The following CPA6 variants were observed in gnomAD, a reference collection of about 807,000 sequenced individuals.
The protein encoded by CPA6 is carboxypeptidase A6.
Under a neutral mutation model 63.3 loss-of-function variants are expected in CPA6, and 58 were observed. The observed-to-expected ratio is 0.92, with a 90% CI of 0.74 to 1.14. The LOEUF is 1.14. Ranked by LOEUF, CPA6 falls within the 50% of genes most tolerant of loss-of-function variation. The probability of loss-of-function intolerance (pLI) is 0.00; values close to 1 mark genes in which losing one functional copy is unlikely to be tolerated. For missense variants in CPA6, 565 were observed against 526.6 expected (o/e 1.07, Z -0.71); for synonymous variants, 185 against 179.0 (o/e 1.03, Z -0.27).
At chr8:67,631,899 A>G (rs1815341922) in intron 1 of CPA6, among the ~76,000 whole-genome samples, 2 of 152,144 alleles carry the variant, frequency 1.3e-5, no homozygotes, top group African/African-American at 4.8e-5. Context: ...TCCTGAAGCC[A>G]GCGAGACCAC....
intron 2 of CPA6, among the ~76,000 whole-genome samples, chr8:67,527,971 T>G (rs1812399948): frequency 6.6e-6 from 1 of 152,198 alleles, no homozygotes; most frequent in African/African-American, 2.4e-5. Context: ...TGGTTCTGTC[T>G]CTCAGCTGTC....
chr8:67,592,347 T>C (rs1257154720), intron 2 of CPA6, among the ~76,000 whole-genome samples: 2 of 152,234 alleles, frequency 1.3e-5, no homozygotes, highest in East Asian at 3.8e-4. Context: ...TCTAAAATTC[T>C]CTTTTTTGGT....
rs185080888 is a variant in CPA6, at chr8:67,563,464, T to C, written c.193-45417A>G. The stretch of plus-strand genomic sequence containing the variant: ...GTTAGCTAAATATCACCTTTTTTTC[T>C]AAAAATCTTGGACAGAACATGGGAA... On this transcript the variant is annotated intron_variant, in intron 2 of 10. Transcript: ENST00000297770. Among the ~76,000 whole-genome samples, 5 of 152,312 alleles carry C rather than the reference T, an allele frequency of 3.3e-5. No individual in the cohort carries two copies. The East Asian group carries it at 9.6e-4, about 29-fold the overall frequency.
At chr8:67,610,772 T>A (rs1408501880) in intron 2 of CPA6, among the ~76,000 whole-genome samples, 3 of 152,196 alleles carry the variant, frequency 2.0e-5, no homozygotes, top group Non-Finnish European at 1.5e-5. Flanking sequence ...CAAAAACCTT[T>A]TTTTTTGAGC....
At chr8:67,654,005 G>A (rs1263600652) in intron 1 of CPA6, among the ~76,000 whole-genome samples, 1 of 151,802 alleles carries the variant, frequency 6.6e-6, no homozygotes, top group Non-Finnish European at 1.5e-5. Context: ...ATAATCATGT[G>A]GTTTTTGTCT....
chr8:67,697,600 A>G (rs1297113331), intron 1 of CPA6, among the ~76,000 whole-genome samples: 1 of 152,196 alleles, frequency 6.6e-6, no homozygotes, highest in Admixed American at 6.5e-5. Flanking sequence ...TCTTGAGGGA[A>G]AAGGCACTCA....
chr8:67,655,305 A>T (rs1396403787), intron 1 of CPA6, among the ~76,000 whole-genome samples: 1 of 152,180 alleles, frequency 6.6e-6, no homozygotes, highest in Admixed American at 6.6e-5. Flanking sequence ...TTTTATAAAT[A>T]GAATAGCAGT....
intron 2 of CPA6, among the ~76,000 whole-genome samples, chr8:67,562,124 G>C (rs1289195062): frequency 6.6e-6 from 1 of 152,220 alleles, no homozygotes; most frequent in Non-Finnish European, 1.5e-5. Context: ...CTTCTGCAGA[G>C]AGAAGAGCAG....
intron 1 of CPA6, among the ~76,000 whole-genome samples, chr8:67,731,245 C>A (rs1489402306): frequency 6.6e-6 from 1 of 152,162 alleles, no homozygotes; most frequent in Admixed American, 6.5e-5. Context: ...AGGAAAAAAA[C>A]AAATTCTTTT....
At chr8:67,492,235 G>A (rs967921028) in intron 6 of CPA6, among the ~76,000 whole-genome samples, 7 of 152,180 alleles carry the variant, frequency 4.6e-5, no homozygotes, top group Admixed American at 2.0e-4. Flanking sequence ...GATGAGGCAA[G>A]TGGTTGGGAT....
chr8:67,564,631 G>A (rs766190907), intron 2 of CPA6, among the ~76,000 whole-genome samples: 20 of 152,202 alleles, frequency 1.3e-4, no homozygotes, highest in South Asian at 4.2e-4. Flanking sequence ...TATACTCATC[G>A]TTGTCCACTA....
chr8:67,493,194 A>G (rs1019120995), intron 6 of CPA6, among the ~76,000 whole-genome samples: 4 of 152,166 alleles, frequency 2.6e-5, no homozygotes, highest in African/African-American at 7.2e-5. Flanking sequence ...TGGCACATAC[A>G]TGCAATTTAA....
chr8:67,504,299 G>A (rs1811886402), intron 6 of CPA6, among the ~76,000 whole-genome samples: 1 of 152,214 alleles, frequency 6.6e-6, no homozygotes, highest in Non-Finnish European at 1.5e-5. Flanking sequence ...ATGGTAGGCA[G>A]ACTTTAATGT....
chr8:67,559,760 T>C (rs562279242), intron 2 of CPA6, among the ~76,000 whole-genome samples: 3 of 152,096 alleles, frequency 2.0e-5, no homozygotes, highest in African/African-American at 7.2e-5. Flanking sequence ...CTCTGAGCCA[T>C]TCAGAGAAGG....
intron 6 of CPA6, among the ~76,000 whole-genome samples, chr8:67,492,075 G>A (rs1434568518): frequency 6.6e-6 from 1 of 152,148 alleles, no homozygotes; most frequent in Non-Finnish European, 1.5e-5. Flanking sequence ...GTGTGGCAAA[G>A]AAATGAAAAG....
intron 3 of CPA6, among the ~76,000 whole-genome samples, chr8:67,514,812 T>C (rs1269810867): frequency 1.3e-5 from 2 of 152,244 alleles, no homozygotes; most frequent in Non-Finnish European, 1.5e-5. Context: ...AGCTGTTTCC[T>C]GTCAGGCATT....
At chr8:67,636,599 CTG>C (rs542894026) in intron 1 of CPA6, among the ~76,000 whole-genome samples, 4 of 151,454 alleles carry the variant, frequency 2.6e-5, no homozygotes, top group African/African-American at 9.8e-5. Flanking sequence ...GCTTAAAAAA[CTG>C]TGTGTTTTCA....
intron 1 of CPA6, among the ~76,000 whole-genome samples, chr8:67,651,095 T>C (rs1231103352): frequency 3.9e-5 from 6 of 152,316 alleles, no homozygotes; most frequent in African/African-American, 1.4e-4. Flanking sequence ...CTAATTTGTT[T>C]CTTTTCCTTG....
intron 1 of CPA6, among the ~76,000 whole-genome samples, chr8:67,711,686 T>TACACACAC (rs5892094): frequency 2.1e-3 from 277 of 133,950 alleles, no homozygotes; most frequent in African/African-American, 7.1e-3. Context: ...TATGCCTGTG[T>TACACACAC]ACACACACAC....
Sources: allele counts gnomAD v4.1 joint callset (sites outside exome capture counted in the v4.1 genomes callset), GRCh38; gene constraint gnomAD v4.1.1; transcripts MANE v1.5; gene names NCBI Gene and HGNC (gene_info 2026-07-23, HGNC 2026-07-21).